Variants in PRMT8 observed in about 807,000 individuals in gnomAD.
The protein encoded by PRMT8 is protein arginine N-methyltransferase 8.
In PRMT8, 7 loss-of-function variants were observed where a neutral mutation model predicts 47.1. The observed-to-expected ratio is 0.15, with a 90% confidence interval of 0.08 to 0.28. The LOEUF (loss-of-function observed/expected upper bound fraction) is 0.28. Among genes scored for constraint, PRMT8 ranks in the 10% least tolerant of loss-of-function variants. PRMT8 has a pLI of 1.00. For synonymous variants in PRMT8, 188 were observed against 186.5 expected (o/e 1.01, Z -0.07); for missense variants, 237 against 505.4 (o/e 0.47, Z 5.09).
At chr12:3,447,581 C>G (rs1418150881) in intron 1 of PRMT8, among the ~76,000 whole-genome samples, 2 of 152,126 alleles carry the variant, frequency 1.3e-5, no homozygotes, top group Non-Finnish European at 2.9e-5. Context: ...TGTCTTGTCC[C>G]CTTGCCTCAT....
intron 1 of PRMT8, among the ~76,000 whole-genome samples, chr12:3,512,660 C>T (rs749187171): frequency 3.3e-5 from 5 of 152,214 alleles, no homozygotes; most frequent in Non-Finnish European, 7.3e-5. Flanking sequence ...TTCTCTCTAT[C>T]CACATTGCCC....
chr12:3,572,284 G>T lies in PRMT8; in HGVS notation c.712+2720G>T, dbSNP rs776829992. ...AAGGAAAGTGAACCAGCAGAGGGAT[G>T]TGCAAGGTGTAGTATTTAACTCTTA... On this transcript the variant is annotated intron_variant, in intron 6 of 9. Coordinates refer to ENST00000382622, the MANE Select transcript of PRMT8 (RefSeq NM_019854.5). This position sits in a 1 kb window ranked among gnomAD's most constrained non-coding sequence, Gnocchi z 5.9. 5.3e-5 allele frequency among the ~76,000 whole-genome samples: 8 copies of T among 152,210 alleles called. No homozygotes were observed. Among genetic ancestry groups the T allele is most frequent in the Admixed American group, 6.5e-5 (1 of 15,274 alleles).
At chr12:3,553,382 T>C in intron 3 of PRMT8, 1 of 538,520 alleles carries the variant, frequency 1.9e-6, no homozygotes, top group Non-Finnish European at 3.3e-6. Context: ...CCAGCCCCTT[T>C]TGAGTCTCCA....
intron 6 of PRMT8, among the ~76,000 whole-genome samples, chr12:3,573,428 T>C (rs1328218197): frequency 6.6e-6 from 1 of 152,272 alleles, no homozygotes; most frequent in Non-Finnish European, 1.5e-5. Context: ...TTAGTATAGA[T>C]ACTTTAAAGT....
Position 3,557,020 on chromosome 12 carries a change from T to C in PRMT8, c.481+3306T>C, listed in dbSNP as rs1866540152. 6.6e-6 allele frequency among the ~76,000 whole-genome samples: 1 copy of C among 152,172 alleles called. No individual in the cohort carries two copies. Among genetic ancestry groups the C allele is most frequent in the South Asian group, 2.1e-4 (1 of 4,826 alleles). ...TGCCAGTGGTGGGAAGCCCTTGTTT[T>C]GCTGCTTTCATTTGCTTAGTGAAGA... On this transcript the variant is annotated intron_variant, in intron 4 of 9. Coordinates refer to ENST00000382622, the MANE Select transcript of PRMT8 (RefSeq NM_019854.5). This position sits in a 1 kb window ranked among gnomAD's most constrained non-coding sequence, Gnocchi z 4.7.
intron 1 of PRMT8, among the ~76,000 whole-genome samples, chr12:3,400,277 A>G (rs1864303767): frequency 6.6e-6 from 1 of 152,218 alleles, no homozygotes. Flanking sequence ...AGACTAATAA[A>G]GAAGAAAAGA....
intron 1 of PRMT8, among the ~76,000 whole-genome samples, chr12:3,423,295 G>A (rs1864564091): frequency 6.6e-6 from 1 of 152,206 alleles, no homozygotes; most frequent in Non-Finnish European, 1.5e-5. Flanking sequence ...TTGATAGATA[G>A]CATTTCTCAT....
chr12:3,578,086 T>TAAAG (rs61595188), intron 7 of PRMT8, among the ~76,000 whole-genome samples: 52,972 of 151,814 alleles, frequency 0.35, 9,434 homozygotes, highest in Middle Eastern at 0.44. Flanking sequence ...TTTTTTAAAA[T>TAAAG]AGAGACATCA....
rs944835913 is a variant in PRMT8 at position 3,492,527 on chromosome 12, C to T, written c.75+827C>T. ...TCGCTCTAGCTCCGCAAATTGTGTT[C>T]TCGGCCCCCGCCTTCGGCAGCCTTT... On this transcript the variant is annotated intron_variant, in intron 1 of 9. Coordinates refer to ENST00000382622, the MANE Select transcript of PRMT8 (RefSeq NM_019854.5). The surrounding 1 kb of genome is among the most constrained non-coding windows in gnomAD (Gnocchi z 7.5). Among the ~76,000 whole-genome samples, 1 of 152,210 alleles carries T rather than the reference C, an allele frequency of 6.6e-6. No individual in the cohort carries two copies. The highest frequency in any genetic ancestry group is 1.5e-5 in the Non-Finnish European group (1 of 68,038).
At chr12:3,506,709 G>T (rs1565425344) in intron 1 of PRMT8, among the ~76,000 whole-genome samples, 1 of 152,146 alleles carries the variant, frequency 6.6e-6, no homozygotes, top group African/African-American at 2.4e-5. Context: ...AAGAGAAGTG[G>T]TCATTCTCTA....
chr12:3,404,224 C>T (rs1864350618), intron 1 of PRMT8, among the ~76,000 whole-genome samples: 1 of 152,090 alleles, frequency 6.6e-6, no homozygotes, highest in Admixed American at 6.5e-5. Context: ...ACTTTTACTA[C>T]ACGTATGTAT....
At position 3,436,180 on chromosome 12, in the gene PRMT8, T is replaced by G. The variant is rs945304316; in HGVS notation, c.48+54738T>G. Among the ~76,000 whole-genome samples the G allele has an allele frequency of 1.3e-5, 2 of 152,170 alleles. No homozygotes were observed. The highest frequency in any genetic ancestry group is 4.8e-5 in the African/African-American group (2 of 41,452). The stretch of plus-strand genomic sequence containing the variant: ...AAAAAGTCAAGTCGTCCCCTCCCGT[T>G]TGTGACCTTGTGAGGATGGTTAGGA... On this transcript the variant is annotated intron_variant, in intron 1 of 9. Transcript: ENST00000452611. This position sits in a 1 kb window ranked among gnomAD's most constrained non-coding sequence, Gnocchi z 4.2.
chr12:3,454,469 A>AG (rs1337558424), intron 1 of PRMT8, among the ~76,000 whole-genome samples: 3 of 152,070 alleles, frequency 2.0e-5, no homozygotes, highest in Non-Finnish European at 4.4e-5. Flanking sequence ...ACTCTAGGGG[A>AG]GGGGGGTGTC....
chr12:3,447,150 G>A (rs1864866763), intron 1 of PRMT8, among the ~76,000 whole-genome samples: 1 of 152,172 alleles, frequency 6.6e-6, no homozygotes, highest in African/African-American at 2.4e-5. Context: ...CACCTGGAAG[G>A]GGAAGGGGTG....
chr12:3,469,159 G>A lies in PRMT8; in HGVS notation c.49-71447G>A, dbSNP rs1397864013. The A allele has an allele frequency of 4.6e-5, 23 of 495,994 alleles. No individual in the cohort carries two copies. In the Admixed American group the frequency reaches 4.7e-4, roughly 10 times the overall value. 30.7% of individuals were successfully genotyped at this position (495,994 alleles called of 1,614,324 possible). A position where few individuals can be genotyped will look rare whatever the true frequency, so the allele number is the denominator to read the frequency against. On this transcript the variant is annotated intron_variant, in intron 1 of 9. Coordinates refer to the PRMT8 transcript ENST00000452611. The stretch of plus-strand genomic sequence containing the variant: ...ATGTGCTTCCCAAGCTGTAAGTGAA[G>A]CTATATTCCTGTGTGAGTGTGCAAT...
intron 4 of PRMT8, among the ~76,000 whole-genome samples, chr12:3,559,822 C>T (rs538487371): frequency 2.4e-4 from 37 of 152,290 alleles, no homozygotes; most frequent in African/African-American, 3.8e-4. Flanking sequence ...CATGCTGACC[C>T]GTTGTGGCAT....
intron 1 of PRMT8, among the ~76,000 whole-genome samples, chr12:3,393,050 G>C (rs1172981892): frequency 3.3e-5 from 5 of 152,090 alleles, no homozygotes; most frequent in African/African-American, 9.7e-5. Context: ...CCCACTTTTT[G>C]ATGGGGTTGT....
chr12:3,577,156 G>A (rs1866960792), intron 7 of PRMT8, among the ~76,000 whole-genome samples, 170 bp downstream of exon 7: 1 of 152,216 alleles, frequency 6.6e-6, no homozygotes, highest in African/African-American at 2.4e-5. Flanking sequence ...CAGTCCGCCT[G>A]GACACAGCCA....
chr12:3,580,337 CGT>C lies in PRMT8; in HGVS notation c.829-2692_829-2691del, dbSNP rs57739335. Reference sequence around the variant, plus strand: ...TCCTGCCAGATGGGGGGTGCGTGTGCGTGTGTGTGTGTGTGTGTGTGTGTGTG... The same window carrying C: ...TCCTGCCAGATGGGGGGTGCGTGTGCGTGTGTGTGTGTGTGTGTGTGTGTG... On this transcript the variant is annotated intron_variant, in intron 7 of 9. Transcript: ENST00000382622. This position sits in a 1 kb window ranked among gnomAD's most constrained non-coding sequence, Gnocchi z 4.6. Among the ~76,000 whole-genome samples, 6,982 of 145,262 alleles carry C rather than the reference CGT, an allele frequency of 0.048. 164 individuals carry two copies. Among genetic ancestry groups the C allele is most frequent in the African/African-American group, 0.069 (2,713 of 39,584 alleles).
Sources: gnomAD v4.1 joint callset for allele counts (sites outside exome capture counted in the v4.1 genomes callset) on GRCh38, gnomAD v4.1.1 for gene constraint, Gnocchi (gnomAD v3.1) non-coding constraint, MANE v1.5 for transcripts, NCBI Gene and HGNC (gene_info 2026-07-23, HGNC 2026-07-21) for gene names.